MAF: variants seen among roughly 807,000 people sequenced by gnomAD.
MAF encodes the protein MAF bZIP transcription factor, also known as transcription factor Maf.
Under a neutral mutation model 22.0 loss-of-function variants are expected in MAF, and 10 were observed. The ratio of observed to expected loss-of-function variants is 0.45; its 90% CI spans 0.28 to 0.77. MAF has a LOEUF of 0.77. MAF is among the 30% of genes least tolerant of loss of function. The pLI, the probability that MAF is intolerant of heterozygous loss-of-function variation, is 0.12. For synonymous variants in MAF, 337 were observed against 255.8 expected, an observed-to-expected ratio of 1.32 and a Z score of -3.03; for missense variants, 544 against 548.4, an observed-to-expected ratio of 0.99 and a Z score of 0.08.
chr16:79,473,549 G>A, the MAF span, among the ~76,000 whole-genome samples: 1 of 152,162 alleles, frequency 6.6e-6, no homozygotes, highest in Non-Finnish European at 1.5e-5. Context: ...GGCATGGAGA[G>A]AGGACACATC....
the MAF span, among the ~76,000 whole-genome samples, chr16:79,383,855 C>T: frequency 1.3e-5 from 2 of 152,282 alleles, no homozygotes; most frequent in East Asian, 1.9e-4. Flanking sequence ...ATGAACTAGT[C>T]ATCAAGATGA....
the MAF span, among the ~76,000 whole-genome samples, chr16:79,322,320 G>A: frequency 1.3e-5 from 2 of 152,152 alleles, no homozygotes; most frequent in African/African-American, 4.8e-5. Context: ...CACTCAGGGG[G>A]TCACCAACTG....
chr16:79,306,234 T>A, the MAF span, among the ~76,000 whole-genome samples: 5 of 152,214 alleles, frequency 3.3e-5, no homozygotes, highest in Non-Finnish European at 7.3e-5. Context: ...CTGCTTGACT[T>A]GTCCTGTCTT....
the MAF span, among the ~76,000 whole-genome samples, chr16:79,364,981 G>A: frequency 2.6e-5 from 4 of 152,198 alleles, no homozygotes; most frequent in Non-Finnish European, 5.9e-5. Context: ...GAGTGGGAAG[G>A]GAAGTGTTTG....
At chr16:79,231,764 G>C in the MAF span, among the ~76,000 whole-genome samples, 3 of 152,118 alleles carry the variant, frequency 2.0e-5, no homozygotes, top group East Asian at 5.8e-4. Context: ...AGATGGTTTC[G>C]GGATGATTTA....
chr16:79,533,304 C>T, the MAF span, among the ~76,000 whole-genome samples: 1 of 152,130 alleles, frequency 6.6e-6, no homozygotes, highest in African/African-American at 2.4e-5. Flanking sequence ...TTTTCCAGAT[C>T]CAAGGGTCAG....
chr16:79,445,937 C>G, the MAF span, among the ~76,000 whole-genome samples: 1 of 152,162 alleles, frequency 6.6e-6, no homozygotes, highest in Non-Finnish European at 1.5e-5. Context: ...ACATCAGACA[C>G]TGACTCTTAT....
chr16:79,582,480 T>C (rs1912580237), downstream of MAF, among the ~76,000 whole-genome samples: 1 of 152,210 alleles, frequency 6.6e-6, no homozygotes, highest in Non-Finnish European at 1.5e-5. Flanking sequence ...CTGAAAATAA[T>C]ACAAGTTTAT....
At chr16:79,204,705 T>C in the MAF span, 1 of 152,240 alleles carries the variant, frequency 6.6e-6, no homozygotes, top group African/African-American at 2.4e-5. Context: ...TAGCCCAAGT[T>C]AACATCCTCC....
the MAF span, among the ~76,000 whole-genome samples, chr16:79,281,292 A>C: frequency 6.6e-6 from 1 of 152,066 alleles, no homozygotes; most frequent in Non-Finnish European, 1.5e-5. Flanking sequence ...GCTAATCCCA[A>C]AGTCTAGGGG....
At chr16:79,524,412 T>C in the MAF span, among the ~76,000 whole-genome samples, 1 of 152,188 alleles carries the variant, frequency 6.6e-6, no homozygotes, top group Non-Finnish European at 1.5e-5. Flanking sequence ...ATGAAACTTA[T>C]CTAACCATTA....
the MAF span, among the ~76,000 whole-genome samples, chr16:79,545,797 G>C: frequency 3.3e-5 from 5 of 152,270 alleles, no homozygotes. Context: ...TTCAATTAGA[G>C]AGGAGGAATA....
the MAF span, among the ~76,000 whole-genome samples, chr16:79,325,598 A>AACACACACACACACACAC: frequency 2.7e-5 from 4 of 145,534 alleles, no homozygotes; most frequent in African/African-American, 1.0e-4. Context: ...CCCAGACACA[A>AACACACACACACACACAC]ACACACACAC....
the MAF span, among the ~76,000 whole-genome samples, chr16:79,498,667 C>A: frequency 6.6e-6 from 1 of 152,192 alleles, no homozygotes; most frequent in African/African-American, 2.4e-5. Context: ...AAGTACCTAG[C>A]TGAAGTTCAT....
the MAF span, among the ~76,000 whole-genome samples, chr16:79,334,830 G>A: frequency 1.1e-4 from 16 of 146,080 alleles, no homozygotes; most frequent in Non-Finnish European, 1.9e-4. Flanking sequence ...GCAGTTATAC[G>A]TCAATAAAGT....
At chr16:79,341,562 C>T in the MAF span, among the ~76,000 whole-genome samples, 1 of 152,212 alleles carries the variant, frequency 6.6e-6, no homozygotes, top group African/African-American at 2.4e-5. Context: ...CAGGGTTCTT[C>T]CCCACCCCTG....
At chr16:79,343,530 A>G in the MAF span, among the ~76,000 whole-genome samples, 2 of 152,146 alleles carry the variant, frequency 1.3e-5, no homozygotes, top group African/African-American at 4.8e-5. Flanking sequence ...AACTTTTTTC[A>G]TTTTGCTTGA....
chr16:79,428,096 T>TAAAAAA, the MAF span, among the ~76,000 whole-genome samples: 15 of 104,092 alleles, frequency 1.4e-4, no homozygotes, highest in African/African-American at 2.6e-4. Context: ...CGACTCAAAT[T>TAAAAAA]AAAAAAAAAA....
chr16:79,429,584 C>A, the MAF span, among the ~76,000 whole-genome samples: 1 of 151,974 alleles, frequency 6.6e-6, no homozygotes, highest in African/African-American at 2.4e-5. Flanking sequence ...TCGCTGTGCA[C>A]GGTGAATTCA....
Sources: gnomAD v4.1 joint callset for allele counts (sites outside exome capture counted in the v4.1 genomes callset) on GRCh38, gnomAD v4.1.1 for gene constraint, MANE v1.5 for transcripts, NCBI Gene and HGNC (gene_info 2026-07-23, HGNC 2026-07-21) for gene names.